Variants in PIK3R1 observed in about 807,000 individuals in gnomAD.
The protein encoded by PIK3R1 is phosphoinositide-3-kinase regulatory subunit 1.
Under a neutral mutation model 98.0 loss-of-function variants are expected in PIK3R1, and 29 were observed. The ratio of observed to expected loss-of-function variants is 0.30; its 90% CI spans 0.22 to 0.40. The LOEUF (loss-of-function observed/expected upper bound fraction) is 0.40, where lower values mean the gene tolerates loss of function less well. Among genes scored for constraint, PIK3R1 ranks in the 10% least tolerant of loss-of-function variants. The pLI, the probability that PIK3R1 is intolerant of heterozygous loss-of-function variation, is 1.00. For missense variants in PIK3R1, 596 were observed against 872.7 expected (o/e 0.68, Z 3.99); for synonymous variants, 282 against 311.8 (o/e 0.90, Z 1.01).
In PIK3R1 at chr5:68,288,467, G is replaced by A. The variant is rs749172188; in HGVS notation, c.917-3792G>A. On this transcript the variant is annotated intron_variant, in intron 7 of 15. Transcript: ENST00000521381. Reference sequence around the variant, plus strand: ...TCTCAATGAGGAGCCGGCAGTGAGCGGCGGTGGCCCGGACGCACTGCCGGG... The same window carrying A: ...TCTCAATGAGGAGCCGGCAGTGAGCAGCGGTGGCCCGGACGCACTGCCGGG... The A allele has an allele frequency of 6.2e-6, 8 of 1,292,754 alleles. No homozygotes were observed. In the East Asian group the frequency reaches 1.6e-4, roughly 26 times the overall value. 80.1% of individuals were successfully genotyped at this position (1,292,754 alleles called of 1,614,324 possible).
At chr5:68,278,830 C>T (rs1164925207) in intron 4 of PIK3R1, among the ~76,000 whole-genome samples, 1 of 152,116 alleles carries the variant, frequency 6.6e-6, no homozygotes, top group African/African-American at 2.4e-5. Context: ...ATCCCACCTA[C>T]TCAGGAGGCT....
intron 7 of PIK3R1, among the ~76,000 whole-genome samples, chr5:68,289,347 G>A (rs969776420): frequency 2.0e-5 from 3 of 152,056 alleles, no homozygotes; most frequent in Non-Finnish European, 4.4e-5. Context: ...CCCAATACTG[G>A]GAAAATGAAT....
chr5:68,281,312 G>T (rs1342171789), intron 7 of PIK3R1, among the ~76,000 whole-genome samples: 1 of 152,136 alleles, frequency 6.6e-6, no homozygotes, highest in Non-Finnish European at 1.5e-5. Context: ...CATTTTAGTT[G>T]TTGACATTTT....
rs766275365 is a variant in PIK3R1, at chr5:68,294,485, G to C, written c.1426-51G>C. The C allele has an allele frequency of 2.1e-6, 3 of 1,415,374 alleles. No homozygotes were observed. In the Middle Eastern group the frequency reaches 5.5e-4, roughly 259 times the overall value. 87.7% of individuals were successfully genotyped at this position (1,415,374 alleles called of 1,614,324 possible). On this transcript the variant is annotated intron_variant, in intron 11 of 15. Coordinates refer to ENST00000521381, the MANE Select transcript of PIK3R1 (RefSeq NM_181523.3). ...ATGTCCTGGTAGTGTCTTGCAGTAA[G>C]AGATTGTTCTATGAAAGGTATGACA...
At chr5:68,262,464 C>A (rs1745803734) in intron 2 of PIK3R1, among the ~76,000 whole-genome samples, 1 of 141,538 alleles carries the variant, frequency 7.1e-6, no homozygotes, top group African/African-American at 2.6e-5. Flanking sequence ...ATATATATAT[C>A]TATATATGTA....
At chr5:68,229,410 G>A (rs543042802) in intron 2 of PIK3R1, among the ~76,000 whole-genome samples, 1 of 152,252 alleles carries the variant, frequency 6.6e-6, no homozygotes, top group Non-Finnish European at 1.5e-5. Context: ...TACCATAATT[G>A]AATTCTTTAG....
At chr5:68,238,078 TAGAA>T in intron 2 of PIK3R1, among the ~76,000 whole-genome samples, 1 of 152,332 alleles carries the variant, frequency 6.6e-6, no homozygotes, top group Middle Eastern at 3.4e-3. Context: ...GGGGTAGAGT[TAGAA>T]AGACCTGTGT....
intron 5 of PIK3R1, 22 bp from the exon 6 acceptor site, chr5:68,280,502 CTTTT>C: frequency 3.2e-5 from 41 of 1,287,024 alleles, no homozygotes; most frequent in Non-Finnish European, 3.9e-5. Flanking sequence ...ACTCATTTCT[CTTTT>C]TTTTTTTTTT....
At chr5:68,291,706 C>T (rs1747404686) in intron 7 of PIK3R1, 1 of 152,450 alleles carries the variant, frequency 6.6e-6, no homozygotes, top group African/African-American at 2.4e-5. Flanking sequence ...CTTAAAGTGG[C>T]TTTTGGCAGA....
intron 2 of PIK3R1, among the ~76,000 whole-genome samples, chr5:68,236,111 TCCAC>T (rs1314497745): frequency 6.6e-6 from 1 of 151,866 alleles, no homozygotes; most frequent in Non-Finnish European, 1.5e-5. Flanking sequence ...CCTCAGGTGA[TCCAC>T]CCACCTCGGC....
chr5:68,288,840 C>A, intron 7 of PIK3R1: 1 of 1,357,748 alleles, frequency 7.4e-7, no homozygotes, highest in Non-Finnish European at 1.1e-6. Context: ...TGTGTGCGTG[C>A]GCCCCTGTAA....
intron 2 of PIK3R1, among the ~76,000 whole-genome samples, chr5:68,235,529 A>G (rs1004092056): frequency 7.9e-5 from 12 of 152,212 alleles, no homozygotes; most frequent in Non-Finnish European, 1.6e-4. Flanking sequence ...CTATAGAAAC[A>G]TAGCTGAATA....
At chr5:68,262,403 T>TATATATATATATATATATAC (rs33968242) in intron 2 of PIK3R1, among the ~76,000 whole-genome samples, 1 of 140,618 alleles carries the variant, frequency 7.1e-6, no homozygotes, top group African/African-American at 2.6e-5. Flanking sequence ...TATATATATA[T>TATATATATATATATATATAC]ACACACACGC....
chr5:68,292,318 A>T lies in PIK3R1; in HGVS notation c.976A>T (p.Met326Leu), dbSNP rs747142164. 6.2e-7 allele frequency: 1 copy of T among 1,613,562 alleles called. No homozygotes were observed. Among genetic ancestry groups the T allele is most frequent in the Middle Eastern group, 1.6e-4 (1 of 6,062 alleles). ...TVANNGMNNNMSLQDAEWYWG... is the reference protein window; with the variant it reads ...TVANNGMNNNLSLQDAEWYWG... ...AGCCAACAACGGTATGAATAACAATATGTCCTTACAAGATGCTGAATGGTA... is the reference window on the plus strand; with the variant it reads ...AGCCAACAACGGTATGAATAACAATTTGTCCTTACAAGATGCTGAATGGTA... The change falls in exon 8 of 16, where the codon ATG (methionine) becomes TTG (leucine). Residue 326 changes from methionine (M) to leucine (L), a missense_variant. Coordinates refer to ENST00000521381, the MANE Select transcript of PIK3R1 (RefSeq NM_181523.3).
intron 7 of PIK3R1, among the ~76,000 whole-genome samples, chr5:68,283,848 G>T (rs1238867128): frequency 1.3e-5 from 2 of 152,186 alleles, no homozygotes; most frequent in East Asian, 1.9e-4. Flanking sequence ...TGGAAACTTC[G>T]TGAGCAATGA....
chr5:68,238,793 A>C (rs1000292757), intron 2 of PIK3R1, among the ~76,000 whole-genome samples: 4 of 152,168 alleles, frequency 2.6e-5, no homozygotes, highest in African/African-American at 9.7e-5. Context: ...TCATTATAAG[A>C]AGTTTTCATG....
In PIK3R1 at chr5:68,301,432, A is replaced by ATATATATATATGTG. The variant is rs1463705488; in HGVS notation, c.*3832_*3833insATATATATATGTGT. 1.4e-5 allele frequency: 1 copy of ATATATATATATGTG among 73,520 alleles called. No individual in the cohort carries two copies. The highest frequency in any genetic ancestry group is 2.4e-5 in the Non-Finnish European group (1 of 40,876). The allele number at this position is 73,520 out of a possible 1,614,324, so 4.6% of individuals were successfully genotyped here. A position where few individuals can be genotyped will look rare whatever the true frequency, so the allele number is the denominator to read the frequency against. ...TATATATATATATATATATATATAT[A>ATATATATATATGTG]TGTGTGTGTATATATATATATATGT... On this transcript the variant is annotated 3_prime_UTR_variant, in exon 16 of 16. Coordinates refer to ENST00000521381, the MANE Select transcript of PIK3R1 (RefSeq NM_181523.3).
In PIK3R1 at chr5:68,297,870, A is replaced by G. The variant is rs1188852224; in HGVS notation, c.*269A>G. On this transcript the variant is annotated 3_prime_UTR_variant, in exon 16 of 16. Coordinates refer to ENST00000521381, the MANE Select transcript of PIK3R1 (RefSeq NM_181523.3). ...TTAATTTAAAGCCACAACCACATAC[A>G]ACACAAAGAGAAAAAGAAATGCAAA... The G allele has an allele frequency of 3.3e-6, 1 of 301,808 alleles. No homozygotes were observed. The highest frequency in any genetic ancestry group is 2.1e-5 in the African/African-American group (1 of 46,992). 18.7% of individuals were successfully genotyped at this position (301,808 alleles called of 1,614,324 possible).
At chr5:68,216,493 C>G (rs1259313470) in intron 1 of PIK3R1, among the ~76,000 whole-genome samples, 6 of 152,288 alleles carry the variant, frequency 3.9e-5, no homozygotes, top group South Asian at 4.1e-4. Flanking sequence ...CCCTAACCCC[C>G]GCCTTCCGAA....
Sources: gnomAD v4.1 joint callset for allele counts (sites outside exome capture counted in the v4.1 genomes callset) on GRCh38, gnomAD v4.1.1 for gene constraint, MANE v1.5 for transcripts, NCBI Gene and HGNC (gene_info 2026-07-23, HGNC 2026-07-21) for gene names.